Variants in THEMIS observed in about 807,000 individuals in gnomAD.
THEMIS encodes the protein protein THEMIS.
Under a neutral mutation model 52.6 loss-of-function variants are expected in THEMIS, and 37 were observed. The ratio of observed to expected loss-of-function variants is 0.70; its 90% CI spans 0.54 to 0.93. The LOEUF (loss-of-function observed/expected upper bound fraction) is 0.93. THEMIS is among the 40% of genes least tolerant of loss of function. The pLI is 0.00. For synonymous variants in THEMIS, 292 were observed against 272.7 expected (o/e 1.07, Z -0.70); for missense variants, 808 against 763.1 (o/e 1.06, Z -0.69).
In THEMIS at chr6:127,732,739, T is replaced by C. The variant is rs1275067792; in HGVS notation, c.1759-12916A>G. 4.6e-5 allele frequency among the ~76,000 whole-genome samples: 7 copies of C among 152,236 alleles called. No individual in the cohort carries two copies. The South Asian group carries it at 1.0e-3, about 22-fold the overall frequency. On this transcript the variant is annotated intron_variant, in intron 4 of 5. Coordinates refer to ENST00000368248, the MANE Select transcript of THEMIS (RefSeq NM_001010923.3). ...TAAACCAAAATGCATTTACTTACTC[T>C]ACTACTGAAGAATATTTGAGTAATT... is the stretch of plus-strand genomic sequence containing the variant.
At chr6:127,883,017 TTCAA>T (rs1420451589) in intron 1 of THEMIS, among the ~76,000 whole-genome samples, 1 of 151,982 alleles carries the variant, frequency 6.6e-6, no homozygotes, top group Non-Finnish European at 1.5e-5. Context: ...AACATACTTA[TTCAA>T]TCAGTTGTAG....
At chr6:127,829,408 T>C in intron 3 of THEMIS, 68 bp downstream of exon 3, 1 of 1,329,540 alleles carries the variant, frequency 7.5e-7, no homozygotes, top group Non-Finnish European at 1.0e-6. Context: ...CTTCAGGCTC[T>C]AAAATCTTTC....
intron 1 of THEMIS, among the ~76,000 whole-genome samples, chr6:127,860,540 T>C (rs1779761465): frequency 6.6e-6 from 1 of 152,084 alleles, no homozygotes; most frequent in African/African-American, 2.4e-5. Context: ...TTAAGTATTA[T>C]CCAGGAAGTC....
chr6:127,810,351 T>C (rs1201216082), intron 4 of THEMIS, among the ~76,000 whole-genome samples: 1 of 152,162 alleles, frequency 6.6e-6, no homozygotes, highest in Non-Finnish European at 1.5e-5. Flanking sequence ...TTAAATATTT[T>C]ATTCCCTCCA....
At chr6:127,853,998 A>C (rs1315730275) in intron 2 of THEMIS, among the ~76,000 whole-genome samples, 1 of 151,662 alleles carries the variant, frequency 6.6e-6, no homozygotes, top group African/African-American at 2.4e-5. Flanking sequence ...ACCATGAAAC[A>C]CATCATATTG....
At chr6:127,719,478 G>A (rs1189301368) in intron 5 of THEMIS, among the ~76,000 whole-genome samples, 1 of 151,780 alleles carries the variant, frequency 6.6e-6, no homozygotes, top group Admixed American at 6.6e-5. Flanking sequence ...TCTAATAGTG[G>A]AAAACAATAA....
chr6:127,746,968 AATTAT>A (rs1226981091), intron 4 of THEMIS, among the ~76,000 whole-genome samples: 4 of 85,996 alleles, frequency 4.7e-5, no homozygotes, highest in African/African-American at 9.9e-5. Context: ...AGATATCTAT[AATTAT>A]ATTATATATA....
intron 5 of THEMIS, among the ~76,000 whole-genome samples, chr6:127,719,444 G>A (rs1249672573): frequency 6.6e-6 from 1 of 151,786 alleles, no homozygotes; most frequent in Non-Finnish European, 1.5e-5. Context: ...TCATTGCCAT[G>A]AAAACCATAA....
chr6:127,729,857 G>A (rs1774699370), intron 4 of THEMIS, among the ~76,000 whole-genome samples: 1 of 152,180 alleles, frequency 6.6e-6, no homozygotes, highest in African/African-American at 2.4e-5. Context: ...AACAGGAAAA[G>A]TATATTGTTA....
chr6:127,891,556 A>G (rs1780811026), intron 1 of THEMIS, among the ~76,000 whole-genome samples: 1 of 111,344 alleles, frequency 9.0e-6, no homozygotes, highest in South Asian at 4.4e-4. Flanking sequence ...AAAAAAAAAA[A>G]GAAAGAAACA....
chr6:127,899,903 T>TTATATATATATA (rs111727278), intron 1 of THEMIS, among the ~76,000 whole-genome samples: 6 of 144,538 alleles, frequency 4.2e-5, no homozygotes, highest in African/African-American at 1.5e-4. Context: ...TGTGTATATT[T>TTATATATATATA]TATATATATA....
At chr6:127,755,494 C>T (rs1230661566) in intron 4 of THEMIS, among the ~76,000 whole-genome samples, 6 of 152,088 alleles carry the variant, frequency 3.9e-5, no homozygotes, top group Non-Finnish European at 7.4e-5. Context: ...CATATCAAGG[C>T]ATCATTTTTA....
At chr6:127,760,713 G>C (rs913879117) in intron 4 of THEMIS, among the ~76,000 whole-genome samples, 1 of 152,034 alleles carries the variant, frequency 6.6e-6, no homozygotes, top group African/African-American at 2.4e-5. Flanking sequence ...GGAGTTAAAG[G>C]TTGCAGTGAA....
downstream of THEMIS, among the ~76,000 whole-genome samples, chr6:127,706,580 G>A (rs1487235010): frequency 6.6e-6 from 1 of 152,064 alleles, no homozygotes; most frequent in Non-Finnish European, 1.5e-5. Context: ...TGCCTTCAGG[G>A]GGTTTACAGT....
chr6:127,710,108 A>G (rs1773924740), intron 5 of THEMIS, 92 bp from the exon 6 acceptor site: 2 of 772,934 alleles, frequency 2.6e-6, no homozygotes, highest in Non-Finnish European at 2.0e-6. Context: ...CGACACTCAC[A>G]TGCATATGGT....
At chr6:127,780,068 G>C (rs1776693292) in intron 4 of THEMIS, among the ~76,000 whole-genome samples, 1 of 152,172 alleles carries the variant, frequency 6.6e-6, no homozygotes, top group Non-Finnish European at 1.5e-5. Flanking sequence ...CTTGCTTTAT[G>C]AATCTGGGTG....
chr6:127,845,777 T>C (rs1002258790), intron 2 of THEMIS, among the ~76,000 whole-genome samples: 48 of 151,866 alleles, frequency 3.2e-4, no homozygotes, highest in African/African-American at 1.1e-3. Flanking sequence ...AAAAAAATAA[T>C]AGGCTAACCC....
intron 4 of THEMIS, among the ~76,000 whole-genome samples, chr6:127,755,457 T>A (rs1308986985): frequency 6.6e-6 from 1 of 152,170 alleles, no homozygotes; most frequent in Non-Finnish European, 1.5e-5. Context: ...TAAATTACCC[T>A]ACAGAATGCT....
Position 127,900,944 on chromosome 6 carries a change from G to C in THEMIS, c.-12C>G. The C allele has an allele frequency of 6.2e-7, 1 of 1,610,374 alleles. No homozygotes were observed. The highest frequency in any genetic ancestry group is 8.5e-7 in the Non-Finnish European group (1 of 1,177,014). ...AGTGATAATGCCATTGCTATGCCTT[G>C]GGTAGTTTGTAGACCTGGTGCTCAC... On this transcript the variant is annotated 5_prime_UTR_variant, in exon 1 of 6. Coordinates refer to ENST00000368248, the MANE Select transcript of THEMIS (RefSeq NM_001010923.3).
Sources: allele counts gnomAD v4.1 joint callset (sites outside exome capture counted in the v4.1 genomes callset), GRCh38; gene constraint gnomAD v4.1.1; transcripts MANE v1.5; gene names NCBI Gene and HGNC (gene_info 2026-07-23, HGNC 2026-07-21).